Variants in RNF126 observed in about 807,000 individuals in gnomAD.
RNF126 encodes the protein ring finger protein 126.
In RNF126, 20 loss-of-function variants were observed where a neutral mutation model predicts 41.9. The observed-to-expected ratio is 0.48, with a 90% confidence interval of 0.34 to 0.69. RNF126 has a LOEUF of 0.69. Among genes scored for constraint, RNF126 ranks in the 30% least tolerant of loss-of-function variants. The pLI is 0.01. For missense variants in RNF126, 433 were observed against 460.6 expected, an observed-to-expected ratio of 0.94 and a Z score of 0.55; for synonymous variants, 239 against 202.9, an observed-to-expected ratio of 1.18 and a Z score of -1.51.
chr19:653,137 A>C (rs1041396696), intron 1 of RNF126, among the ~76,000 whole-genome samples: 1 of 149,366 alleles, frequency 6.7e-6, no homozygotes, highest in Non-Finnish European at 1.5e-5. Context: ...GACGGGCGTC[A>C]CCAGCGTCAT....
chr19:650,025 G>GTGGCGGGCGTGATGATGCCGTT (rs2030196075), intron 5 of RNF126, among the ~76,000 whole-genome samples: 1 of 147,852 alleles, frequency 6.8e-6, no homozygotes. Context: ...GCTGGGGATG[G>GTGGCGGGCGTGATGATGCCGTT]GGACAGGCAC....
intron 4 of RNF126, 159 bp downstream of exon 4, chr19:651,452 G>A: frequency 1.6e-6 from 1 of 622,934 alleles, no homozygotes; most frequent in Non-Finnish European, 2.4e-6. Flanking sequence ...GAAGGGCCGT[G>A]TGGGGAGTCA....
At chr19:657,664 T>G (rs2030617058) in intron 1 of RNF126, among the ~76,000 whole-genome samples, 1 of 152,132 alleles carries the variant, frequency 6.6e-6, no homozygotes, top group Non-Finnish European at 1.5e-5. Flanking sequence ...ATATCTGAAA[T>G]CCGGGTGCCA....
At position 647,939 on chromosome 19, in the gene RNF126, T is replaced by C. The variant is rs781585322; in HGVS notation, c.*189A>G. ...GCTGGGGACGCCCCAGAGGGGACCA[T>C]GTGGCCCACGCCTTCCCAAGCCAGG... On this transcript the variant is annotated 3_prime_UTR_variant, in exon 9 of 9. Coordinates refer to ENST00000292363, the MANE Select transcript of RNF126 (RefSeq NM_194460.3). The C allele has an allele frequency of 1.5e-6, 1 of 669,224 alleles. No homozygotes were observed. Among genetic ancestry groups the C allele is most frequent in the South Asian group, 1.9e-5 (1 of 52,278 alleles). The allele number at this position is 669,224 out of a possible 1,614,324, so 41.5% of individuals were successfully genotyped here.
rs904816485 is a variant in RNF126 at position 652,258 on chromosome 19, G to A, written c.173C>T (p.Thr58Ile). The A allele has an allele frequency of 2.6e-6, 4 of 1,550,146 alleles. No individual in the cohort carries two copies. The South Asian group carries it at 3.7e-5, about 14-fold the overall frequency. Residue 58 changes from threonine (T) to isoleucine (I), a missense_variant, in exon 3 of 9, where the codon ACA (threonine) becomes ATA (isoleucine). Coordinates refer to ENST00000292363, the MANE Select transcript of RNF126 (RefSeq NM_194460.3). Reference protein sequence around the residue: ...ENGSAPSTAPTDQSRPPLEHV... With the variant: ...ENGSAPSTAPIDQSRPPLEHV... ...CTCCAACGGTGGCCGGCTCTGGTCT[G>A]TGGGAGCTGTGGAGGGGGCAGAACC...
In RNF126 at chr19:647,963, G is replaced by C; in HGVS notation, c.*165C>G. On this transcript the variant is annotated 3_prime_UTR_variant, in exon 9 of 9. Transcript: ENST00000292363. Reference sequence around the variant, plus strand: ...ATGTGGCCCACGCCTTCCCAAGCCAGGGGGCCGGTGGGCCGGGCCCGGGTC... The same window carrying C: ...ATGTGGCCCACGCCTTCCCAAGCCACGGGGCCGGTGGGCCGGGCCCGGGTC... 1.2e-6 allele frequency: 1 copy of C among 858,842 alleles called. No homozygotes were observed. Among genetic ancestry groups the C allele is most frequent in the Non-Finnish European group, 1.7e-6 (1 of 574,596 alleles). The allele number at this position is 858,842 out of a possible 1,614,324, so 53.2% of individuals were successfully genotyped here.
chr19:662,041 G>A (rs1200177729), intron 1 of RNF126, among the ~76,000 whole-genome samples: 1 of 152,138 alleles, frequency 6.6e-6, no homozygotes, highest in African/African-American at 2.4e-5. Context: ...GACCACCGCC[G>A]GGCACGGTGG....
chr19:653,068 AC>A (rs1568191704), intron 1 of RNF126, among the ~76,000 whole-genome samples, 184 bp from the exon 2 acceptor site: 2 of 151,970 alleles, frequency 1.3e-5, no homozygotes, highest in African/African-American at 4.8e-5. Context: ...TCTGCCAGCC[AC>A]CCGCTGACCC....
Position 648,360 on chromosome 19 carries a change from C to CGGGGG in RNF126, c.786+11_786+12insCCCCC. ...CGGTCGGGGTGGGGGGGCGGGTGGGCGGGGCACTCACCTGCTCCAGCCAGG... is the reference window on the plus strand; with the variant it reads ...CGGTCGGGGTGGGGGGGCGGGTGGGCGGGGGGGGGCACTCACCTGCTCCAGCCAGG... On this transcript the variant is annotated intron_variant, in intron 8 of 8. Coordinates refer to ENST00000292363, the MANE Select transcript of RNF126 (RefSeq NM_194460.3). The CGGGGG allele has an allele frequency of 3.3e-6, 1 of 302,282 alleles. No individual in the cohort carries two copies. The highest frequency in any genetic ancestry group is 4.9e-6 in the Non-Finnish European group (1 of 205,050). 18.7% of individuals were successfully genotyped at this position (302,282 alleles called of 1,614,324 possible).
At chr19:652,166 C>CAG (rs1349096821) in intron 3 of RNF126, 67 bp downstream of exon 3, 39 of 1,295,372 alleles carry the variant, frequency 3.0e-5, no homozygotes, top group Non-Finnish European at 3.4e-5. Context: ...GAGGTGGGGA[C>CAG]AGGCTGGCGC....
Position 663,142 on chromosome 19 carries a change from C to T in RNF126, c.-21G>A. On this transcript the variant is annotated 5_prime_UTR_variant, in exon 1 of 9. Transcript: ENST00000292363. ...GCCATGGCCGCCGCCACCTACTCCG[C>T]GCCGCCCGCCCCCCGCGCGGCACCC... 6 of 1,176,316 alleles carry T rather than the reference C, an allele frequency of 5.1e-6. No homozygotes were observed. Among genetic ancestry groups the T allele is most frequent in the Non-Finnish European group, 6.3e-6 (6 of 945,918 alleles). The allele number at this position is 1,176,316 out of a possible 1,614,324, so 72.9% of individuals were successfully genotyped here.
At chr19:651,889 TCAGGCCCGTG>T in intron 3 of RNF126, 34 bp from the exon 4 acceptor site, 1 of 1,584,804 alleles carries the variant, frequency 6.3e-7, no homozygotes, top group East Asian at 2.3e-5. Context: ...CCTCGGGGGC[TCAGGCCCGTG>T]CAGTCTGCTG....
intron 1 of RNF126, among the ~76,000 whole-genome samples, chr19:653,634 C>T (rs1206571786): frequency 2.6e-5 from 4 of 152,198 alleles, no homozygotes; most frequent in Non-Finnish European, 5.9e-5. Flanking sequence ...CTGGTGATGG[C>T]GGAGCGTGCC....
In RNF126 at chr19:651,964, C is replaced by T. The variant is rs575100297; in HGVS notation, c.199-109G>A. On this transcript the variant is annotated intron_variant, in intron 3 of 8. Coordinates refer to ENST00000292363, the MANE Select transcript of RNF126 (RefSeq NM_194460.3). ...AAGCAAGACGGGCCCTGCTGGGTGC[C>T]GGGTGGGAGGGAGACGCAGACAGGG... The T allele has an allele frequency of 2.4e-4, 255 of 1,046,784 alleles. 2 individuals carry two copies. Among genetic ancestry groups the T allele is most frequent in the South Asian group, 9.8e-4 (62 of 63,556 alleles). 64.8% of individuals were successfully genotyped at this position (1,046,784 alleles called of 1,614,324 possible).
At chr19:649,444 G>C in intron 6 of RNF126, 1 of 549,504 alleles carries the variant, frequency 1.8e-6, no homozygotes, top group Non-Finnish European at 3.3e-6. Flanking sequence ...AGTCCTCCCC[G>C]CGGTTTTGCT....
intron 1 of RNF126, among the ~76,000 whole-genome samples, chr19:657,669 G>A (rs564396852): frequency 2.6e-5 from 4 of 152,296 alleles, no homozygotes; most frequent in African/African-American, 9.6e-5. Flanking sequence ...TGAAATCCGG[G>A]TGCCATCGAG....
intron 4 of RNF126, chr19:651,407 A>C (rs543120954): frequency 2.2e-6 from 1 of 459,228 alleles, no homozygotes; most frequent in South Asian, 4.7e-5. Flanking sequence ...TCTGTGGTCA[A>C]CCCACACACC....
chr19:660,947 GC>G (rs1380630942), intron 1 of RNF126, among the ~76,000 whole-genome samples: 1 of 152,362 alleles, frequency 6.6e-6, no homozygotes, highest in Non-Finnish European at 1.5e-5. Context: ...ACACGGGCAG[GC>G]CCCCGCAGCC....
At position 663,125 on chromosome 19, in the gene RNF126, C is replaced by G. The variant is rs966783341; in HGVS notation, c.-4G>C. 51 of 1,280,942 alleles carry G rather than the reference C, an allele frequency of 4.0e-5. No homozygotes were observed. The African/African-American group carries it at 6.4e-4, about 16-fold the overall frequency. 79.3% of individuals were successfully genotyped at this position (1,280,942 alleles called of 1,614,324 possible). A position where few individuals can be genotyped will look rare whatever the true frequency, so the allele number is the denominator to read the frequency against. On this transcript the variant is annotated 5_prime_UTR_variant, in exon 1 of 9. Transcript: ENST00000292363. ...GATGCGGCGACGCCTCGGCCATGGCCGCCGCCACCTACTCCGCGCCGCCCG... is the reference window on the plus strand; with the variant it reads ...GATGCGGCGACGCCTCGGCCATGGCGGCCGCCACCTACTCCGCGCCGCCCG...
Sources: gnomAD v4.1 joint callset for allele counts (sites outside exome capture counted in the v4.1 genomes callset) on GRCh38, gnomAD v4.1.1 for gene constraint, MANE v1.5 for transcripts, NCBI Gene and HGNC (gene_info 2026-07-23, HGNC 2026-07-21) for gene names.